FHIT: variants seen among roughly 807,000 people sequenced by gnomAD.
The protein encoded by FHIT is bis(5'-adenosyl)-triphosphatase.
Under a neutral mutation model 17.9 loss-of-function variants are expected in FHIT, and 19 were observed. The observed-to-expected ratio is 1.06, with a 90% CI of 0.74 to 1.56. FHIT has a LOEUF of 1.56. Ranked by LOEUF, FHIT falls within the 40% of genes most tolerant of loss-of-function variation. The pLI, the probability that FHIT is intolerant of heterozygous loss-of-function variation, is 0.00. For missense variants in FHIT, 248 were observed against 189.2 expected (o/e 1.31, Z -1.82); for synonymous variants, 81 against 69.7 (o/e 1.16, Z -0.81).
intron 3 of FHIT, among the ~76,000 whole-genome samples, chr3:60,964,426 A>G (rs1709612581): frequency 6.6e-6 from 1 of 152,086 alleles, no homozygotes; most frequent in Non-Finnish European, 1.5e-5. Flanking sequence ...CATTTAGTCC[A>G]TTTACATTTA....
At chr3:60,117,681 G>A (rs34841206) in intron 5 of FHIT, among the ~76,000 whole-genome samples, 46,594 of 151,938 alleles carry the variant, frequency 0.31, 7,543 homozygotes, top group Non-Finnish European at 0.36. Flanking sequence ...TGCCAATGCT[G>A]AGGGTCCAGA....
At chr3:59,862,569 T>C (rs1466112026) in intron 8 of FHIT, among the ~76,000 whole-genome samples, 1 of 152,224 alleles carries the variant, frequency 6.6e-6, no homozygotes, top group Non-Finnish European at 1.5e-5. Context: ...CAGAGAATGT[T>C]TCACAGGTCC....
intron 4 of FHIT, among the ~76,000 whole-genome samples, chr3:60,698,084 C>A (rs1347909144): frequency 5.9e-5 from 9 of 152,060 alleles, no homozygotes; most frequent in African/African-American, 1.2e-4. Flanking sequence ...TCCTGAATTG[C>A]CTGCAGAAAT....
At chr3:61,226,857 G>C (rs1000598664) in intron 1 of FHIT, among the ~76,000 whole-genome samples, 3 of 152,106 alleles carry the variant, frequency 2.0e-5, no homozygotes, top group African/African-American at 7.2e-5. Flanking sequence ...TAAGCATGTG[G>C]TATGAGCCAG....
intron 2 of FHIT, among the ~76,000 whole-genome samples, chr3:61,134,087 T>TTACACACACACATACACACACACA (rs2036840553): frequency 2.3e-5 from 1 of 42,560 alleles, no homozygotes; most frequent in East Asian, 3.1e-4. Context: ...AGACTCTGTC[T>TTACACACACACATACACACACACA]CACACACACA....
chr3:60,709,920 C>A (rs2041474586), intron 4 of FHIT, among the ~76,000 whole-genome samples: 2 of 151,996 alleles, frequency 1.3e-5, no homozygotes, highest in African/African-American at 4.8e-5. Flanking sequence ...TCTTTCAATG[C>A]TTCTTTCATG....
chr3:60,966,217 T>A (rs141091203), intron 3 of FHIT, among the ~76,000 whole-genome samples: 221 of 152,322 alleles, frequency 1.5e-3, no homozygotes, highest in African/African-American at 5.1e-3. Context: ...TGAAGCCCCG[T>A]GGGCATGGAA....
At chr3:59,752,342 A>C in intron 8 of FHIT, 21 bp from the exon 9 acceptor site, 1 of 1,595,944 alleles carries the variant, frequency 6.3e-7, no homozygotes, top group Non-Finnish European at 8.6e-7. Context: ...AAAAAAAGGA[A>C]GAGGCTCTTT....
chr3:61,048,309 T>C (rs962964704), intron 2 of FHIT, among the ~76,000 whole-genome samples: 1 of 151,904 alleles, frequency 6.6e-6, no homozygotes, highest in African/African-American at 2.4e-5. Flanking sequence ...CATCAAAAAG[T>C]GGGTGAAGGA....
chr3:59,946,284 T>C (rs1047910936), intron 7 of FHIT, among the ~76,000 whole-genome samples: 1 of 152,206 alleles, frequency 6.6e-6, no homozygotes, highest in African/African-American at 2.4e-5. Flanking sequence ...TGTTTGACTA[T>C]TGTGAATGGG....
intron 5 of FHIT, among the ~76,000 whole-genome samples, chr3:60,022,604 C>T (rs1241485413): frequency 6.6e-6 from 1 of 152,152 alleles, no homozygotes; most frequent in African/African-American, 2.4e-5. Flanking sequence ...GTGACTAGGG[C>T]AAGTTTGTTC....
chr3:60,109,255 C>T lies in FHIT; in HGVS notation c.104-95103G>A, dbSNP rs184605332. Among the ~76,000 whole-genome samples, 380 of 152,112 alleles carry T rather than the reference C, an allele frequency of 2.5e-3. 2 individuals carry two copies. Among genetic ancestry groups the T allele is most frequent in the African/African-American group, 9.0e-3 (373 of 41,482 alleles). On this transcript the variant is annotated intron_variant, in intron 5 of 9. Coordinates refer to ENST00000492590, the MANE Select transcript of FHIT (RefSeq NM_002012.4). ...GATTTTCTAACTTCAGCATAAAAGC[C>T]CAGTAAGAAATATTAGCTCTTCAGT...
At chr3:60,994,671 C>G (rs553070239) in intron 3 of FHIT, among the ~76,000 whole-genome samples, 1 of 152,042 alleles carries the variant, frequency 6.6e-6, no homozygotes, top group Non-Finnish European at 1.5e-5. Flanking sequence ...GAACCTGGAG[C>G]GGAAGGGACA....
intron 7 of FHIT, among the ~76,000 whole-genome samples, chr3:60,004,612 T>C (rs940601121): frequency 1.6e-4 from 25 of 152,278 alleles, no homozygotes; most frequent in African/African-American, 5.8e-4. Context: ...TGCTTGAGTT[T>C]CTTCTACTGT....
At chr3:60,845,340 A>AAACAAAC (rs1559766384) in intron 3 of FHIT, among the ~76,000 whole-genome samples, 4 of 151,732 alleles carry the variant, frequency 2.6e-5, no homozygotes, top group Admixed American at 6.6e-5. Context: ...AACAAACAAA[A>AAACAAAC]AAAAAAACCA....
At chr3:59,845,277 CT>C (rs1701677935) in intron 8 of FHIT, among the ~76,000 whole-genome samples, 1 of 151,510 alleles carries the variant, frequency 6.6e-6, no homozygotes, top group Admixed American at 6.6e-5. Flanking sequence ...TATTATTTTT[CT>C]GTTCTCCATC....
At chr3:60,968,298 A>G (rs1294287682) in intron 3 of FHIT, among the ~76,000 whole-genome samples, 1 of 152,224 alleles carries the variant, frequency 6.6e-6, no homozygotes, top group Non-Finnish European at 1.5e-5. Flanking sequence ...TCACAAGATT[A>G]TATTAAACTG....
chr3:60,334,332 G>T (rs964641351), intron 5 of FHIT, among the ~76,000 whole-genome samples: 1 of 152,116 alleles, frequency 6.6e-6, no homozygotes, highest in African/African-American at 2.4e-5. Flanking sequence ...TTATACTCAA[G>T]GAAATGAGGC....
At chr3:61,170,145 T>A (rs1484068333) in intron 2 of FHIT, among the ~76,000 whole-genome samples, 3 of 152,198 alleles carry the variant, frequency 2.0e-5, no homozygotes, top group African/African-American at 7.2e-5. Context: ...AAAATCTTCA[T>A]CATAGGTAAT....
Sources: gnomAD v4.1 joint callset for allele counts (sites outside exome capture counted in the v4.1 genomes callset) on GRCh38, gnomAD v4.1.1 for gene constraint, MANE v1.5 for transcripts, NCBI Gene and HGNC (gene_info 2026-07-23, HGNC 2026-07-21) for gene names.